Variants in PTPRD observed in about 807,000 individuals in gnomAD.
PTPRD encodes the protein receptor-type tyrosine-protein phosphatase delta.
PTPRD carries 34 observed loss-of-function variants against 214.5 expected under a neutral mutation model. The ratio of observed to expected loss-of-function variants is 0.16; its 90% CI spans 0.12 to 0.21. The LOEUF (loss-of-function observed/expected upper bound fraction) is 0.21, where lower values mean the gene tolerates loss of function less well. PTPRD is among the 10% of genes least tolerant of loss of function. The probability of loss-of-function intolerance (pLI) is 1.00; values close to 1 mark genes in which losing one functional copy is unlikely to be tolerated. For synonymous variants in PTPRD, 1,128 were observed against 845.7 expected (o/e 1.33, Z -5.79); for missense variants, 2,545 against 2,398.7 (o/e 1.06, Z -1.27).
At chr9:9,369,267 C>G (rs1237515520) in intron 9 of PTPRD, among the ~76,000 whole-genome samples, 1 of 152,066 alleles carries the variant, frequency 6.6e-6, no homozygotes, top group Non-Finnish European at 1.5e-5. Flanking sequence ...CTCTCCAGCA[C>G]CTGTTGTTTC....
chr9:8,748,707 T>C (rs1471102990), intron 11 of PTPRD, among the ~76,000 whole-genome samples: 2 of 151,206 alleles, frequency 1.3e-5, no homozygotes, highest in East Asian at 3.9e-4. Context: ...ACGTCAGGAG[T>C]TCAAGACCAG....
At chr9:9,471,016 C>A (rs1445155511) in intron 8 of PTPRD, among the ~76,000 whole-genome samples, 1 of 152,106 alleles carries the variant, frequency 6.6e-6, no homozygotes, top group African/African-American at 2.4e-5. Context: ...CTATCAATTT[C>A]CATGGGAAAT....
chr9:8,432,934 A>T (rs191974380), intron 35 of PTPRD, among the ~76,000 whole-genome samples: 2 of 152,234 alleles, frequency 1.3e-5, no homozygotes, highest in Non-Finnish European at 2.9e-5. Context: ...CATGCAGTTC[A>T]TAACTATTTT....
chr9:10,228,637 T>C (rs917819279), intron 3 of PTPRD, among the ~76,000 whole-genome samples: 3 of 151,714 alleles, frequency 2.0e-5, no homozygotes, highest in Non-Finnish European at 4.4e-5. Flanking sequence ...TCACCTGCTC[T>C]ATCTGTATTT....
intron 12 of PTPRD, among the ~76,000 whole-genome samples, chr9:8,714,770 C>T (rs1375946562): frequency 6.6e-6 from 1 of 152,132 alleles, no homozygotes; most frequent in Non-Finnish European, 1.5e-5. Context: ...TACCCACCCC[C>T]ATCATGCACC....
intron 3 of PTPRD, among the ~76,000 whole-genome samples, chr9:10,179,871 G>A (rs1466260473): frequency 6.6e-6 from 1 of 151,892 alleles, no homozygotes; most frequent in Non-Finnish European, 1.5e-5. Context: ...GACAATAACT[G>A]CAAAACTAAG....
intron 11 of PTPRD, among the ~76,000 whole-genome samples, chr9:8,971,307 T>C (rs1203914533): frequency 1.3e-5 from 2 of 151,670 alleles, no homozygotes; most frequent in African/African-American, 4.8e-5. Flanking sequence ...TAGACACATA[T>C]AATCCACAAT....
At chr9:9,296,052 T>A (rs1296511735) in intron 9 of PTPRD, among the ~76,000 whole-genome samples, 1 of 151,786 alleles carries the variant, frequency 6.6e-6, no homozygotes, top group Admixed American at 6.6e-5. Context: ...TCAGATGATC[T>A]CATCGGGCAC....
chr9:8,473,233 C>T (rs937776360), intron 30 of PTPRD, among the ~76,000 whole-genome samples: 1 of 152,150 alleles, frequency 6.6e-6, no homozygotes, highest in Non-Finnish European at 1.5e-5. Context: ...AGGATTACAC[C>T]AGCTAGCCAT....
chr9:8,741,650 C>T (rs1240986241), intron 11 of PTPRD, among the ~76,000 whole-genome samples: 1 of 128,764 alleles, frequency 7.8e-6, no homozygotes, highest in Non-Finnish European at 1.5e-5. Context: ...GTGGTGTGAT[C>T]TCGGCTCACT....
intron 14 of PTPRD, among the ~76,000 whole-genome samples, chr9:8,586,328 T>A (rs1317266281): frequency 7.2e-5 from 11 of 152,234 alleles, no homozygotes; most frequent in African/African-American, 2.6e-4. Context: ...TAATATCTTG[T>A]GTATTATAAA....
At chr9:10,076,722 G>T (rs1254969801) in intron 3 of PTPRD, among the ~76,000 whole-genome samples, 1 of 152,128 alleles carries the variant, frequency 6.6e-6, no homozygotes, top group African/African-American at 2.4e-5. Flanking sequence ...CTGGGGAGCA[G>T]TGCCAAGATG....
At chr9:9,731,811 A>C (rs767691702) in intron 7 of PTPRD, among the ~76,000 whole-genome samples, 26 of 152,292 alleles carry the variant, frequency 1.7e-4, no homozygotes, top group Non-Finnish European at 1.8e-4. Flanking sequence ...TGAAATCCTA[A>C]ATAAGTTAGT....
intron 2 of PTPRD, among the ~76,000 whole-genome samples, chr9:10,381,427 A>G (rs1426324499): frequency 2.0e-5 from 3 of 152,022 alleles, no homozygotes; most frequent in Non-Finnish European, 4.4e-5. Flanking sequence ...ACTGCAGCCA[A>G]CTGGCTTGTT....
At chr9:10,039,980 C>T (rs7870406) in intron 3 of PTPRD, among the ~76,000 whole-genome samples, 4,671 of 152,038 alleles carry the variant, frequency 0.031, 284 homozygotes, top group African/African-American at 0.11. Context: ...TCCTAAATTG[C>T]CTTTAGTTCA....
intron 36 of PTPRD, among the ~76,000 whole-genome samples, chr9:8,397,626 C>A (rs570187405): frequency 9.2e-5 from 14 of 152,128 alleles, no homozygotes; most frequent in Admixed American, 2.6e-4. Context: ...TATAGACTTA[C>A]CCACAGAACA....
rs373617269 is a variant in PTPRD at position 9,549,532 on chromosome 9, G to A, written c.-237+25200C>T. Reference sequence around the variant, plus strand: ...ACAAGACTGATCTCATTAACTGCTGGTGAAGATGTATTAAACTTAAACAGT... The same window carrying A: ...ACAAGACTGATCTCATTAACTGCTGATGAAGATGTATTAAACTTAAACAGT... On this transcript the variant is annotated intron_variant, in intron 8 of 45. Coordinates refer to ENST00000381196, the MANE Select transcript of PTPRD (RefSeq NM_002839.4). Among the ~76,000 whole-genome samples, 9 of 152,194 alleles carry A rather than the reference G, an allele frequency of 5.9e-5. 1 individual carries two copies. The highest frequency in any genetic ancestry group is 2.2e-4 in the African/African-American group (9 of 41,540).
chr9:8,317,416 C>T lies in PTPRD; in HGVS notation c.*458G>A, dbSNP rs566868083. On this transcript the variant is annotated 3_prime_UTR_variant, in exon 46 of 46. Transcript: ENST00000381196. Reference sequence around the variant, plus strand: ...TTTTAAACATTCCCTCCCCTTTCCCCCTAAAATGTTATTATGAGCAGTATG... The same window carrying T: ...TTTTAAACATTCCCTCCCCTTTCCCTCTAAAATGTTATTATGAGCAGTATG... 1 of 233,322 alleles carries T rather than the reference C, an allele frequency of 4.3e-6. No homozygotes were observed. The highest frequency in any genetic ancestry group is 8.5e-6 in the Non-Finnish European group (1 of 117,778). 14.5% of individuals were successfully genotyped at this position (233,322 alleles called of 1,614,324 possible). A position where few individuals can be genotyped will look rare whatever the true frequency, so the allele number is the denominator to read the frequency against.
chr9:9,019,304 G>GAAAGAAAGAAAGA (rs1569428423), intron 10 of PTPRD, among the ~76,000 whole-genome samples: 5 of 86,812 alleles, frequency 5.8e-5, no homozygotes, highest in African/African-American at 2.4e-4. Context: ...AAGAAAGAAA[G>GAAAGAAAGAAAGA]AAAGAAAGAA....
Sources: allele counts gnomAD v4.1 joint callset (sites outside exome capture counted in the v4.1 genomes callset), GRCh38; gene constraint gnomAD v4.1.1; transcripts MANE v1.5; gene names NCBI Gene and HGNC (gene_info 2026-07-23, HGNC 2026-07-21).